The following RAD51B variants were observed in gnomAD, a reference collection of about 807,000 sequenced individuals.
RAD51B encodes DNA repair protein RAD51 homolog 2.
RAD51B carries 38 observed loss-of-function variants against 42.2 expected under a neutral mutation model. That is an observed-to-expected ratio of 0.90 (90% confidence interval 0.70 to 1.18). The LOEUF (loss-of-function observed/expected upper bound fraction) is 1.18, where lower values mean the gene tolerates loss of function less well. Among genes scored for constraint, RAD51B ranks in the 50% most tolerant of loss-of-function variants. The probability of loss-of-function intolerance (pLI) is 0.00; values close to 1 mark genes in which losing one functional copy is unlikely to be tolerated. For synonymous variants in RAD51B, 154 were observed against 145.2 expected, an observed-to-expected ratio of 1.06 and a Z score of -0.43; for missense variants, 373 against 400.7, an observed-to-expected ratio of 0.93 and a Z score of 0.59.
intron 7 of RAD51B, among the ~76,000 whole-genome samples, chr14:68,099,329 T>A (rs2077249602): frequency 6.6e-6 from 1 of 152,208 alleles, no homozygotes; most frequent in Admixed American, 6.5e-5. Context: ...TTGACCTAGG[T>A]TATAGATGTC....
intron 7 of RAD51B, among the ~76,000 whole-genome samples, chr14:67,937,773 C>T (rs1446729677): frequency 6.6e-6 from 1 of 151,818 alleles, no homozygotes; most frequent in Non-Finnish European, 1.5e-5. Context: ...AGCCCCTTAC[C>T]ACAGCTTCAG....
At chr14:68,522,677 C>A (rs566244454) in intron 10 of RAD51B, among the ~76,000 whole-genome samples, 2 of 152,232 alleles carry the variant, frequency 1.3e-5, no homozygotes, top group South Asian at 4.1e-4. Context: ...TATCGAAGTG[C>A]CTTTTGAAGC....
intron 9 of RAD51B, among the ~76,000 whole-genome samples, chr14:68,434,742 C>T (rs1159530557): frequency 6.6e-6 from 1 of 151,472 alleles, no homozygotes; most frequent in Non-Finnish European, 1.5e-5. Flanking sequence ...GTGGGCTGCA[C>T]CCACTGTCCT....
At chr14:68,342,575 C>T (rs7150813) in intron 8 of RAD51B, among the ~76,000 whole-genome samples, 60 of 152,316 alleles carry the variant, frequency 3.9e-4, no homozygotes, top group African/African-American at 1.3e-3. Context: ...TTCTCTCTCT[C>T]TCCCTCTCTC....
intron 7 of RAD51B, among the ~76,000 whole-genome samples, chr14:67,931,067 C>T (rs1239832925): frequency 6.6e-6 from 1 of 152,072 alleles, no homozygotes; most frequent in Non-Finnish European, 1.5e-5. Flanking sequence ...ACTACAGGAG[C>T]CTGCCACCAC....
chr14:68,176,206 T>C (rs2078959824), intron 7 of RAD51B, among the ~76,000 whole-genome samples: 1 of 152,318 alleles, frequency 6.6e-6, no homozygotes, highest in African/African-American at 2.4e-5. Flanking sequence ...GGCATGCATC[T>C]TGGAAAACAT....
rs138809391 is a variant in RAD51B at position 68,404,401 on chromosome 14, G to T, written c.854-7023G>T. Among the ~76,000 whole-genome samples the T allele has an allele frequency of 2.0e-5, 3 of 152,294 alleles. No homozygotes were observed. The East Asian group carries it at 5.8e-4, about 29-fold the overall frequency. On this transcript the variant is annotated intron_variant, in intron 8 of 10. Transcript: ENST00000471583. ...GGAAATCACCTTTTCTTAAAAGCCAGTAGGCAGATTCCTCCTACTTTAAAT... is the reference window on the plus strand; with the variant it reads ...GGAAATCACCTTTTCTTAAAAGCCATTAGGCAGATTCCTCCTACTTTAAAT...
chr14:68,304,967 A>G (rs1453660763), intron 8 of RAD51B, among the ~76,000 whole-genome samples: 1 of 152,242 alleles, frequency 6.6e-6, no homozygotes, highest in Non-Finnish European at 1.5e-5. Flanking sequence ...TTTTGAATCT[A>G]TAACCCATCA....
chr14:68,315,840 C>G (rs1356584608), intron 8 of RAD51B, among the ~76,000 whole-genome samples: 1 of 152,140 alleles, frequency 6.6e-6, no homozygotes, highest in Non-Finnish European at 1.5e-5. Flanking sequence ...TTTAGTTTTA[C>G]TTGAACTGAC....
At chr14:68,245,011 G>A (rs374938471) in intron 7 of RAD51B, among the ~76,000 whole-genome samples, 91 of 152,290 alleles carry the variant, frequency 6.0e-4, no homozygotes, top group African/African-American at 1.6e-3. Flanking sequence ...AAAGAATGCC[G>A]TAACACTAAC....
intron 7 of RAD51B, among the ~76,000 whole-genome samples, chr14:68,190,636 A>G (rs1185064090): frequency 2.0e-5 from 3 of 152,162 alleles, no homozygotes; most frequent in East Asian, 1.9e-4. Context: ...AAGGCACTCT[A>G]TATTCTATAT....
intron 9 of RAD51B, among the ~76,000 whole-genome samples, chr14:68,429,819 A>G (rs1056114536): frequency 2.7e-5 from 4 of 147,638 alleles, no homozygotes; most frequent in Non-Finnish European, 5.9e-5. Flanking sequence ...TGAAGTCCTT[A>G]CCCATGCCTA....
intron 7 of RAD51B, among the ~76,000 whole-genome samples, chr14:68,145,159 T>G (rs2078223154): frequency 6.6e-6 from 1 of 152,238 alleles, no homozygotes; most frequent in African/African-American, 2.4e-5. Flanking sequence ...GGAACATGAT[T>G]AGACCAAGGT....
chr14:68,083,154 AAT>A (rs1167500769), intron 7 of RAD51B, among the ~76,000 whole-genome samples: 2 of 152,178 alleles, frequency 1.3e-5, no homozygotes, highest in African/African-American at 4.8e-5. Context: ...GGTATCTTTT[AAT>A]AAAGTGAGGT....
intron 8 of RAD51B, among the ~76,000 whole-genome samples, chr14:68,292,889 C>T (rs1347581009): frequency 1.3e-5 from 2 of 152,216 alleles, no homozygotes; most frequent in Non-Finnish European, 1.5e-5. Context: ...TTTGTGTACG[C>T]TCCTTCCAAG....
chr14:68,043,899 A>C (rs1247969539), intron 7 of RAD51B, among the ~76,000 whole-genome samples: 1 of 152,230 alleles, frequency 6.6e-6, no homozygotes, highest in Non-Finnish European at 1.5e-5. Flanking sequence ...CTTTTCCATT[A>C]CTGTTTGCAG....
At chr14:68,379,776 G>C (rs982689788) in intron 8 of RAD51B, among the ~76,000 whole-genome samples, 1 of 152,178 alleles carries the variant, frequency 6.6e-6, no homozygotes, top group Non-Finnish European at 1.5e-5. Flanking sequence ...AATTATTAGT[G>C]ACCAGGGACA....
At chr14:68,679,004 C>G (rs940058547) in intron 11 of RAD51B, among the ~76,000 whole-genome samples, 1 of 152,180 alleles carries the variant, frequency 6.6e-6, no homozygotes. Flanking sequence ...CCCCTGCCCC[C>G]ACCCCCTCAA....
intron 10 of RAD51B, among the ~76,000 whole-genome samples, chr14:68,560,592 C>T (rs554187826): frequency 4.6e-5 from 7 of 152,150 alleles, no homozygotes; most frequent in South Asian, 2.1e-4. Flanking sequence ...AAAAATTAGC[C>T]GGGCATGGTG....
Sources: allele counts gnomAD v4.1 joint callset (sites outside exome capture counted in the v4.1 genomes callset), GRCh38; gene constraint gnomAD v4.1.1; transcripts MANE v1.5; gene names NCBI Gene and HGNC (gene_info 2026-07-23, HGNC 2026-07-21).